Variants in XIAP observed in about 807,000 individuals in gnomAD.
XIAP encodes the protein E3 ubiquitin-protein ligase XIAP.
A neutral mutation model predicts 33.1 loss-of-function variants in XIAP; 3 were observed. That is an observed-to-expected ratio of 0.09 (90% CI 0.04 to 0.23). XIAP has a LOEUF of 0.23. XIAP is among the 10% of genes least tolerant of loss of function. The probability of loss-of-function intolerance (pLI) is 1.00; values close to 1 mark genes in which losing one functional copy is unlikely to be tolerated. For synonymous variants in XIAP, 98 were observed against 121.3 expected, an observed-to-expected ratio of 0.81 and a Z score of 1.26; for missense variants, 264 against 363.0, an observed-to-expected ratio of 0.73 and a Z score of 2.22.
chrX:123,899,561 A>G (rs1447465061), intron 5 of XIAP, among the ~76,000 whole-genome samples: 1 of 108,574 alleles, frequency 9.2e-6, no homozygotes, highest in Non-Finnish European at 1.9e-5. Context: ...TCTGGCTTCT[A>G]TTACCATAGA....
rs1259522787 is a variant in XIAP at position 123,885,671 on chromosome X, T to C, written c.9T>C (p.Phe3=). MT[F]NSFEGSKTCV... ...CCTATTTTCAAGAGAAGATGACTTT[T>C]AACAGTTTTGAAGGATCTAAAACTT... is the stretch of plus-strand genomic sequence containing the variant. Residue 3 remains phenylalanine (F), a synonymous_variant, in exon 2 of 7, where the codon TTT becomes TTC. Coordinates refer to ENST00000371199, the MANE Select transcript of XIAP (RefSeq NM_001167.4). 1 of 1,208,941 alleles carries C rather than the reference T, an allele frequency of 8.3e-7. No individual in the cohort carries two copies. The highest frequency in any genetic ancestry group is 1.1e-6 in the Non-Finnish European group (1 of 894,786).
rs1556406053 is a variant in XIAP, at chrX:123,891,325, C to T, written c.1056+9C>T. The T allele has an allele frequency of 1.1e-6, 1 of 897,698 alleles. No homozygotes were observed. Among genetic ancestry groups the T allele is most frequent in the South Asian group, 2.4e-5 (1 of 41,777 alleles). 74.0% of individuals were successfully genotyped at this position (897,698 alleles called of 1,213,427 possible). A position where few individuals can be genotyped will look rare whatever the true frequency, so the allele number is the denominator to read the frequency against. The stretch of plus-strand genomic sequence containing the variant: ...CACTTGAGGAGTGTCTGGTAAGTCT[C>T]ATATAATTTATATTTTCAAATTCAC... On this transcript the variant is annotated intron_variant, in intron 4 of 6. Coordinates refer to ENST00000371199, the MANE Select transcript of XIAP (RefSeq NM_001167.4).
At chrX:123,889,109 T>G (rs1473761390) in intron 3 of XIAP, among the ~76,000 whole-genome samples, 1 of 98,837 alleles carries the variant, frequency 1.0e-5, no homozygotes, top group East Asian at 3.1e-4. Context: ...TTTTTTTTTT[T>G]GATATGGAGT....
intron 5 of XIAP, among the ~76,000 whole-genome samples, chrX:123,897,720 G>A (rs6608132): frequency 0.38 from 42,160 of 110,434 alleles, 6,044 homozygotes; most frequent in African/African-American, 0.47. Context: ...ATGCCACTGC[G>A]CCCGGCTAAT....
At chrX:123,889,700 G>A (rs2053387112) in intron 3 of XIAP, among the ~76,000 whole-genome samples, 1 of 109,549 alleles carries the variant, frequency 9.1e-6, no homozygotes, top group Non-Finnish European at 1.9e-5. Context: ...TATATTTTTA[G>A]TAGAGACAGG....
intron 3 of XIAP, 135 bp downstream of exon 3, chrX:123,888,853 G>T: frequency 3.7e-6 from 2 of 544,427 alleles, no homozygotes; most frequent in Non-Finnish European, 6.3e-6. Flanking sequence ...AATGAGCAAG[G>T]TTTATAAGCC....
chrX:123,885,976 C>G lies in XIAP; in HGVS notation c.314C>G (p.Ser105Cys). 8.3e-7 allele frequency: 1 copy of G among 1,211,856 alleles called. No individual in the cohort carries two copies. The highest frequency in any genetic ancestry group is 1.1e-6 in the Non-Finnish European group (1 of 895,577). The change falls in exon 2 of 7, where the codon TCT (serine) becomes TGT (cysteine). Residue 105 changes from serine to cysteine, a missense_variant. Transcript: ENST00000371199. ...GFYLENSATQ[S>C]TNSGIQNGQY... ...TATCTTGAAAATAGTGCCACGCAGT[C>G]TACAAATTCTGGTATCCAGAATGGT... is the stretch of plus-strand genomic sequence containing the variant.
chrX:123,874,040 C>T (rs188660328), intron 1 of XIAP: 17 of 111,005 alleles, frequency 1.5e-4, no homozygotes, highest in African/African-American at 5.2e-4. Flanking sequence ...AAGAACATAT[C>T]CTTCCCTTTC....
At chrX:123,890,984 A>G (rs2053402646) in intron 3 of XIAP, among the ~76,000 whole-genome samples, 1 of 111,234 alleles carries the variant, frequency 9.0e-6, no homozygotes, top group Non-Finnish European at 1.9e-5. Flanking sequence ...TAATTTAATA[A>G]CTTGTTTTAG....
Position 123,896,658 on chromosome X carries a change from G to A in XIAP, c.1100-3835G>A, listed in dbSNP as rs1194696699. On this transcript the variant is annotated intron_variant, in intron 5 of 6. Transcript: ENST00000371199. The stretch of plus-strand genomic sequence containing the variant: ...TGCAGAGGCATGATCTCTGCTCACT[G>A]CAACCTCCGCCTCCCGGGCTCAAGC... Among the ~76,000 whole-genome samples the A allele has an allele frequency of 3.0e-5, 3 of 99,677 alleles. No individual in the cohort carries two copies. The East Asian group carries it at 9.9e-4, about 33-fold the overall frequency. 86.6% of individuals were successfully genotyped at this position (99,677 alleles called of 115,157 possible).
chrX:123,889,091 ATTTT>A (rs34602221), intron 3 of XIAP, among the ~76,000 whole-genome samples: 1 of 68,949 alleles, frequency 1.5e-5, no homozygotes. Flanking sequence ...TGCCTGGCTA[ATTTT>A]TTTTTTTTTT....
rs1303379624 is a variant in XIAP at position 123,911,960 on chromosome X, T to C, written c.*4779T>C. ...AAAGGTGATGTAATTTGTGCAAAGA[T>C]TATAGCTAATTAGTAGCAGAGCCCT... On this transcript the variant is annotated 3_prime_UTR_variant, in exon 7 of 7. Coordinates refer to ENST00000371199, the MANE Select transcript of XIAP (RefSeq NM_001167.4). 13 of 326,622 alleles carry C rather than the reference T, an allele frequency of 4.0e-5. No individual in the cohort carries two copies. Among genetic ancestry groups the C allele is most frequent in the Non-Finnish European group, 2.4e-5 (4 of 169,561 alleles). The allele number at this position is 326,622 out of a possible 1,213,427, so 26.9% of individuals were successfully genotyped here.
At chrX:123,888,062 A>T (rs1192575282) in intron 2 of XIAP, among the ~76,000 whole-genome samples, 2 of 110,469 alleles carry the variant, frequency 1.8e-5, no homozygotes, top group East Asian at 5.7e-4. Flanking sequence ...TGCCAGGTAC[A>T]GTGGCTTACG....
chrX:123,871,884 C>T (rs1468995671), intron 1 of XIAP, among the ~76,000 whole-genome samples: 2 of 110,188 alleles, frequency 1.8e-5, no homozygotes, highest in South Asian at 3.8e-4. Flanking sequence ...GGGAGGATCA[C>T]GAGGTCAGGA....
chrX:123,865,550 TAA>T (rs760806196), intron 1 of XIAP, among the ~76,000 whole-genome samples: 6 of 89,579 alleles, frequency 6.7e-5, no homozygotes, highest in Admixed American at 1.2e-4. Flanking sequence ...CCCTCTCTGC[TAA>T]AAAAAAAAAA....
At chrX:123,881,756 A>ATT (rs35412191) in intron 1 of XIAP, among the ~76,000 whole-genome samples, 5 of 90,469 alleles carry the variant, frequency 5.5e-5, no homozygotes, top group East Asian at 6.5e-4. Flanking sequence ...TTATACTTCT[A>ATT]TTTTTTTTTT....
intron 5 of XIAP, among the ~76,000 whole-genome samples, chrX:123,900,168 G>A (rs940683156): frequency 1.3e-4 from 15 of 112,030 alleles, no homozygotes; most frequent in Middle Eastern, 4.7e-3. Flanking sequence ...TAGGTTAATT[G>A]TTAATGAGTA....
chrX:123,884,443 A>G (rs966331519), intron 1 of XIAP, among the ~76,000 whole-genome samples: 1 of 106,261 alleles, frequency 9.4e-6, no homozygotes, highest in Non-Finnish European at 1.9e-5. Context: ...GTATCACACC[A>G]TTGCACTCCA....
At chrX:123,899,175 ATATATATG>A in intron 5 of XIAP, among the ~76,000 whole-genome samples, 1 of 71,187 alleles carries the variant, frequency 1.4e-5, no homozygotes, top group African/African-American at 5.6e-5. Context: ...ATGATTTTAT[ATATATATG>A]ATTTTATATA....
Sources: allele counts gnomAD v4.1 joint callset (sites outside exome capture counted in the v4.1 genomes callset), GRCh38; gene constraint gnomAD v4.1.1; transcripts MANE v1.5; gene names NCBI Gene and HGNC (gene_info 2026-07-23, HGNC 2026-07-21).